The following CABP5 variants were observed in gnomAD, a reference collection of about 807,000 sequenced individuals.
CABP5 encodes the protein calcium-binding protein 5.
In CABP5, 17 loss-of-function variants were observed where a neutral mutation model predicts 21.9. The ratio of observed to expected loss-of-function variants is 0.78; its 90% CI spans 0.53 to 1.17. CABP5 has a LOEUF of 1.17. Ranked by LOEUF, CABP5 falls within the 50% of genes most tolerant of loss-of-function variation. CABP5 has a pLI of 0.00. For synonymous variants in CABP5, 85 were observed against 79.4 expected (o/e 1.07, Z -0.37); for missense variants, 229 against 228.9 (o/e 1.00, Z 0.00).
chr19:48,043,975 C>T lies in CABP5; in HGVS notation c.-53G>A. 6.9e-7 allele frequency: 1 copy of T among 1,452,582 alleles called. No individual in the cohort carries two copies. Among genetic ancestry groups the T allele is most frequent in the Non-Finnish European group, 9.2e-7 (1 of 1,088,518 alleles). The allele number at this position is 1,452,582 out of a possible 1,614,324, so 90.0% of individuals were successfully genotyped here. A position where few individuals can be genotyped will look rare whatever the true frequency, so the allele number is the denominator to read the frequency against. On this transcript the variant is annotated 5_prime_UTR_variant, in exon 1 of 6. Transcript: ENST00000293255. ...ACCAGTCTCAAGATGGCCCCTCCTC[C>T]CTGCTCCCTGTCGGAGCTCAGCCTC...
At chr19:48,040,354 A>G (rs1255460513) in intron 3 of CABP5, among the ~76,000 whole-genome samples, 1 of 152,190 alleles carries the variant, frequency 6.6e-6, no homozygotes, top group Non-Finnish European at 1.5e-5. Flanking sequence ...GTAGCGGATA[A>G]CTTCACTTTT....
At chr19:48,042,351 A>G (rs1249739179) in intron 1 of CABP5, among the ~76,000 whole-genome samples, 1 of 152,206 alleles carries the variant, frequency 6.6e-6, no homozygotes, top group Non-Finnish European at 1.5e-5. Context: ...CAGCATGACC[A>G]GTTCCTAAAC....
Position 48,044,036 on chromosome 19 carries a change from T to A in CABP5, c.-114A>T. 1 of 860,100 alleles carries A rather than the reference T, an allele frequency of 1.2e-6. No homozygotes were observed. The highest frequency in any genetic ancestry group is 1.7e-6 in the Non-Finnish European group (1 of 575,620). 53.3% of individuals were successfully genotyped at this position (860,100 alleles called of 1,614,324 possible). Reference sequence around the variant, plus strand: ...CCAGCACTCCTTTGCCACCTCTTCCTGCCTCTCTTGGCTTCTCCTTCGGTC... The same window carrying A: ...CCAGCACTCCTTTGCCACCTCTTCCAGCCTCTCTTGGCTTCTCCTTCGGTC... On this transcript the variant is annotated 5_prime_UTR_variant, in exon 1 of 6. Transcript: ENST00000293255.
chr19:48,032,286 C>T (rs1397527818), intron 5 of CABP5, among the ~76,000 whole-genome samples: 1 of 150,774 alleles, frequency 6.6e-6, no homozygotes, highest in African/African-American at 2.4e-5. Context: ...GGTGGGTGGG[C>T]GAGGCCAGAT....
At position 48,029,798 on chromosome 19, in the gene CABP5, C is replaced by CAGACAGAGAGAGAGAGAGAG. The variant is rs1555737196; in HGVS notation, c.*758_*759insCTCTCTCTCTCTCTCTGTCT. 8.3e-6 allele frequency among the ~76,000 whole-genome samples: 1 copy of CAGACAGAGAGAGAGAGAGAG among 120,150 alleles called. No individual in the cohort carries two copies. Among genetic ancestry groups the CAGACAGAGAGAGAGAGAGAG allele is most frequent in the Non-Finnish European group, 1.7e-5 (1 of 57,974 alleles). The allele number at this position is 120,150 out of a possible 152,430, so 78.8% of individuals were successfully genotyped here. A position where few individuals can be genotyped will look rare whatever the true frequency, so the allele number is the denominator to read the frequency against. ...GGGAGGGGAGACAGAGACAGACAGA[C>CAGACAGAGAGAGAGAGAGAG]AGAGAGAGAGAGAGAGAGAGAGAGA... is the stretch of plus-strand genomic sequence containing the variant. On this transcript the variant is annotated 3_prime_UTR_variant, in exon 6 of 6. Transcript: ENST00000293255.
At position 48,034,365 on chromosome 19, in the gene CABP5, G is replaced by A. The variant is rs991716877; in HGVS notation, c.349-3C>T. ...TCCCCATCTCCATTCGTGTCAAACT[G>A]AATAGAAGCAGAAATAGATTATATC... On this transcript the variant is annotated splice_polypyrimidine_tract_variant and splice_region_variant and intron_variant, in intron 4 of 5. Transcript: ENST00000293255. The A allele has an allele frequency of 2.6e-6, 4 of 1,539,580 alleles. No individual in the cohort carries two copies. The highest frequency in any genetic ancestry group is 3.5e-6 in the Non-Finnish European group (4 of 1,143,466).
At chr19:48,036,569 A>G (rs1967410906) in intron 4 of CABP5, among the ~76,000 whole-genome samples, 1 of 152,228 alleles carries the variant, frequency 6.6e-6, no homozygotes, top group Non-Finnish European at 1.5e-5. Context: ...CAGTTACGCA[A>G]GATAGGTTCT....
intron 5 of CABP5, among the ~76,000 whole-genome samples, chr19:48,032,551 AC>A (rs1485746675): frequency 6.8e-6 from 1 of 147,392 alleles, no homozygotes; most frequent in African/African-American, 2.5e-5. Context: ...CTGGTCTTGA[AC>A]TCCTGAGCTC....
At chr19:48,041,051 C>A (rs1967475603) in intron 2 of CABP5, among the ~76,000 whole-genome samples, 1 of 152,032 alleles carries the variant, frequency 6.6e-6, no homozygotes, top group Admixed American at 6.6e-5. Context: ...GTGGCTCATG[C>A]CTTTGATCCC....
rs1392644688 is a variant in CABP5, at chr19:48,030,369, C to T, written c.*188G>A. 3.9e-5 allele frequency: 21 copies of T among 545,240 alleles called. No homozygotes were observed. The highest frequency in any genetic ancestry group is 2.2e-4 in the South Asian group (8 of 35,688). The allele number at this position is 545,240 out of a possible 1,614,324, so 33.8% of individuals were successfully genotyped here. A position where few individuals can be genotyped will look rare whatever the true frequency, so the allele number is the denominator to read the frequency against. On this transcript the variant is annotated 3_prime_UTR_variant, in exon 6 of 6. Coordinates refer to ENST00000293255, the MANE Select transcript of CABP5 (RefSeq NM_019855.5). Reference sequence around the variant, plus strand: ...TTCCTTCTTAATCTAGTTCTGCAGACGCCCCCATCCTGGCAAAGATACCGC... The same window carrying T: ...TTCCTTCTTAATCTAGTTCTGCAGATGCCCCCATCCTGGCAAAGATACCGC...
Position 48,034,300 on chromosome 19 carries a change from G to C in CABP5, c.411C>G (p.Leu137=), listed in dbSNP as rs190244516. The change falls in exon 5 of 6, where the codon CTC becomes CTG. Residue 137 remains leucine, a synonymous_variant. Coordinates refer to ENST00000293255, the MANE Select transcript of CABP5 (RefSeq NM_019855.5). The stretch of plus-strand genomic sequence containing the variant: ...CCCGGGGGGTGAGCCGCTCCCCCAG[G>C]AGTCTCTGCATGGCCTGCTGTAGCT... ...LVELQQAMQR[L]LGERLTPREI... is the part of the protein sequence containing the mutation. 6.2e-7 allele frequency: 1 copy of C among 1,609,374 alleles called. No individual in the cohort carries two copies. Among genetic ancestry groups the C allele is most frequent in the Non-Finnish European group, 8.5e-7 (1 of 1,178,208 alleles).
At chr19:48,035,284 G>T (rs1364872468) in intron 4 of CABP5, among the ~76,000 whole-genome samples, 1 of 152,062 alleles carries the variant, frequency 6.6e-6, no homozygotes, top group African/African-American at 2.4e-5. Context: ...TGTTGTAAAT[G>T]ATAGAGTTTC....
At chr19:48,039,040 G>A (rs1454173405) in intron 4 of CABP5, among the ~76,000 whole-genome samples, 168 bp downstream of exon 4, 5 of 152,010 alleles carry the variant, frequency 3.3e-5, no homozygotes, top group African/African-American at 1.2e-4. Context: ...TCCATTGCAG[G>A]TGTTTGGAAT....
rs185714060 is a variant in CABP5 at position 48,033,978 on chromosome 19, G to A, written c.496+237C>T. Among the ~76,000 whole-genome samples, 511 of 152,166 alleles carry A rather than the reference G, an allele frequency of 3.4e-3. 2 individuals are homozygous for A. The highest frequency in any genetic ancestry group is 0.012 in the African/African-American group (486 of 41,504). On this transcript the variant is annotated intron_variant, in intron 5 of 5. Coordinates refer to ENST00000293255, the MANE Select transcript of CABP5 (RefSeq NM_019855.5). The stretch of plus-strand genomic sequence containing the variant: ...GGCGTCCTGAGCATGGGAAGGAAAG[G>A]GCCTTGGCTGAGGTGTTCCTCGGAG...
At chr19:48,041,798 C>T (rs1428304156) in intron 1 of CABP5, among the ~76,000 whole-genome samples, 195 bp from the exon 2 acceptor site, 1 of 152,016 alleles carries the variant, frequency 6.6e-6, no homozygotes, top group Non-Finnish European at 1.5e-5. Context: ...ACCCCCCTCT[C>T]GATGTCTCTC....
At chr19:48,041,788 A>C (rs1600128731) in intron 1 of CABP5, among the ~76,000 whole-genome samples, 185 bp from the exon 2 acceptor site, 5 of 145,424 alleles carry the variant, frequency 3.4e-5, no homozygotes, top group South Asian at 2.3e-4. Flanking sequence ...TTGGCTCCCC[A>C]CCCCCCTCTC....
Position 48,037,624 on chromosome 19 carries a change from A to AT in CABP5, c.348+1583dup, listed in dbSNP as rs1415151446. 6.6e-5 allele frequency among the ~76,000 whole-genome samples: 10 copies of AT among 152,208 alleles called. No individual in the cohort carries two copies. In the East Asian group the frequency reaches 1.9e-3, roughly 30 times the overall value. On this transcript the variant is annotated intron_variant, in intron 4 of 5. Coordinates refer to ENST00000293255, the MANE Select transcript of CABP5 (RefSeq NM_019855.5). The stretch of plus-strand genomic sequence containing the variant: ...ATGTTAAAAGGAACAAATGAAACTA[A>AT]TTTTTAATATTCTCTTTTATTTGAC...
chr19:48,029,598 C>T lies in CABP5; in HGVS notation c.*959G>A, dbSNP rs189467963. Among the ~76,000 whole-genome samples, 75 of 152,240 alleles carry T rather than the reference C, an allele frequency of 4.9e-4. No individual in the cohort carries two copies. Among genetic ancestry groups the T allele is most frequent in the African/African-American group, 1.8e-3 (74 of 41,560 alleles). ...GGAGGTAGGAGGCTTCTAGGAAAGA[C>T]TTTGCAACAACCTGGCTGAACTGGG... On this transcript the variant is annotated 3_prime_UTR_variant, in exon 6 of 6. Coordinates refer to ENST00000293255, the MANE Select transcript of CABP5 (RefSeq NM_019855.5).
intron 5 of CABP5, among the ~76,000 whole-genome samples, chr19:48,030,820 T>C (rs753139658): frequency 2.0e-5 from 3 of 152,052 alleles, no homozygotes; most frequent in Non-Finnish European, 2.9e-5. Flanking sequence ...ATCTACCTCA[T>C]GAGGTTGAGA....
Sources: allele counts gnomAD v4.1 joint callset (sites outside exome capture counted in the v4.1 genomes callset), GRCh38; gene constraint gnomAD v4.1.1; transcripts MANE v1.5; gene names NCBI Gene and HGNC (gene_info 2026-07-23, HGNC 2026-07-21).